The following ESRRG variants were observed in gnomAD, a reference collection of about 807,000 sequenced individuals.
ESRRG encodes estrogen related receptor gamma, also known as estrogen-related receptor gamma.
ESRRG carries 13 observed loss-of-function variants against 44.0 expected under a neutral mutation model. That is an observed-to-expected ratio of 0.30 (90% CI 0.19 to 0.47). ESRRG has a LOEUF of 0.47. Among genes scored for constraint, ESRRG ranks in the 20% least tolerant of loss-of-function variants. The pLI, the probability that ESRRG is intolerant of heterozygous loss-of-function variation, is 1.00. For missense variants in ESRRG, 395 were observed against 580.6 expected, an observed-to-expected ratio of 0.68 and a Z score of 3.29; for synonymous variants, 215 against 214.6, an observed-to-expected ratio of 1.00 and a Z score of -0.02.
intron 3 of ESRRG, among the ~76,000 whole-genome samples, chr1:216,572,314 A>G (rs188286171): frequency 1.8e-4 from 28 of 152,202 alleles, no homozygotes; most frequent in Admixed American, 1.3e-3. Context: ...CCCCAGGACA[A>G]TCAAATAAAA....
chr1:216,691,246 T>C (rs2066332546), intron 1 of ESRRG, among the ~76,000 whole-genome samples: 1 of 152,130 alleles, frequency 6.6e-6, no homozygotes, highest in Non-Finnish European at 1.5e-5. Flanking sequence ...AAGAGGATAG[T>C]CATTTGATTT....
At chr1:217,009,288 C>T (rs1007033134) in intron 1 of ESRRG, among the ~76,000 whole-genome samples, 3 of 152,002 alleles carry the variant, frequency 2.0e-5, no homozygotes, top group African/African-American at 4.8e-5. Flanking sequence ...TTGAAGATTG[C>T]TCTTTAAAAT....
chr1:216,711,725 T>C (rs1166209469), intron 1 of ESRRG, among the ~76,000 whole-genome samples: 1 of 152,182 alleles, frequency 6.6e-6, no homozygotes, highest in South Asian at 2.1e-4. Context: ...AGAAAAAAAG[T>C]TGCTAAAAAT....
intron 1 of ESRRG, among the ~76,000 whole-genome samples, chr1:216,708,280 G>T (rs938199008): frequency 2.0e-5 from 3 of 151,752 alleles, no homozygotes; most frequent in African/African-American, 7.3e-5. Context: ...ATTTAAGCCT[G>T]GAATATAAAA....
chr1:216,826,377 C>T (rs976798203), intron 2 of ESRRG, among the ~76,000 whole-genome samples: 1 of 152,058 alleles, frequency 6.6e-6, no homozygotes, highest in African/African-American at 2.4e-5. Context: ...GCTGGTACAC[C>T]TACTGACCTT....
chr1:216,945,050 T>A (rs994072027), intron 1 of ESRRG, among the ~76,000 whole-genome samples: 3 of 152,166 alleles, frequency 2.0e-5, no homozygotes, highest in African/African-American at 7.2e-5. Flanking sequence ...CTTCATTAGA[T>A]CAGTCAGCTT....
chr1:216,725,705 A>AAAAAG (rs2087380548), upstream of ESRRG, among the ~76,000 whole-genome samples: 1 of 152,126 alleles, frequency 6.6e-6, no homozygotes, highest in African/African-American at 2.4e-5. Flanking sequence ...CACACACACA[A>AAAAAG]AAAAGAAAGA....
chr1:216,880,173 G>C (rs2096420575), intron 2 of ESRRG, among the ~76,000 whole-genome samples: 1 of 151,338 alleles, frequency 6.6e-6, no homozygotes, highest in African/African-American at 2.4e-5. Flanking sequence ...CAGGCATGGT[G>C]GTGGGCGCCT....
chr1:216,959,525 TA>T (rs1171071436), intron 1 of ESRRG: 3,085 of 144,244 alleles, frequency 0.021, 84 homozygotes, highest in African/African-American at 0.065. Flanking sequence ...GACCCTATCT[TA>T]AAAAAAAAAA....
intron 1 of ESRRG, among the ~76,000 whole-genome samples, chr1:217,079,647 C>T (rs938062456): frequency 1.3e-5 from 2 of 152,158 alleles, no homozygotes; most frequent in Non-Finnish European, 2.9e-5. Context: ...CTTCTGTTTC[C>T]TCATCTGTGA....
chr1:216,636,975 C>G (rs2150813385), intron 3 of ESRRG, among the ~76,000 whole-genome samples: 1 of 152,296 alleles, frequency 6.6e-6, no homozygotes. Flanking sequence ...TCTACACTAT[C>G]CCCTCCAGAT....
intron 3 of ESRRG, among the ~76,000 whole-genome samples, chr1:216,632,005 G>A (rs961551068): frequency 6.6e-6 from 1 of 152,048 alleles, no homozygotes; most frequent in Non-Finnish European, 1.5e-5. Context: ...GGTCCCGAAG[G>A]CTTCTAAGAA....
chr1:216,731,042 C>T (rs1035483841), intron 2 of ESRRG, among the ~76,000 whole-genome samples: 16 of 152,172 alleles, frequency 1.1e-4, no homozygotes, highest in African/African-American at 3.6e-4. Context: ...ATATCAGTAC[C>T]TAAAACTGTG....
intron 1 of ESRRG, among the ~76,000 whole-genome samples, chr1:216,961,823 A>G (rs925940706): frequency 4.6e-5 from 7 of 152,180 alleles, no homozygotes; most frequent in African/African-American, 1.4e-4. Flanking sequence ...CGAGAAGGTC[A>G]TTGACACTTC....
chr1:216,767,347 G>A (rs1227952916), intron 2 of ESRRG, among the ~76,000 whole-genome samples: 1 of 152,082 alleles, frequency 6.6e-6, no homozygotes, highest in African/African-American at 2.4e-5. Flanking sequence ...AGGGCATACA[G>A]AAAGAAAGAG....
At chr1:216,852,858 G>A (rs1032974263) in intron 2 of ESRRG, among the ~76,000 whole-genome samples, 17 of 116,018 alleles carry the variant, frequency 1.5e-4, no homozygotes, top group African/African-American at 7.3e-4. Context: ...AGATTTAATT[G>A]TTTGACTGTC....
At chr1:216,914,763 C>T (rs999153696) in intron 2 of ESRRG, among the ~76,000 whole-genome samples, 1 of 152,154 alleles carries the variant, frequency 6.6e-6, no homozygotes. Flanking sequence ...CATGAGGTCA[C>T]CATCTCTCCC....
At position 216,736,176 on chromosome 1, in the gene ESRRG, A is replaced by ATT. The variant is rs34469625; in HGVS notation, c.-13-58687_-13-58686dup. 7.1e-3 allele frequency among the ~76,000 whole-genome samples: 584 copies of ATT among 82,640 alleles called. 13 individuals carry two copies. The highest frequency in any genetic ancestry group is 0.017 in the African/African-American group (338 of 19,834). 54.2% of individuals were successfully genotyped at this position (82,640 alleles called of 152,430 possible). A position where few individuals can be genotyped will look rare whatever the true frequency, so the allele number is the denominator to read the frequency against. ...TGGTGCTTCTAAGGAGTTAAGGACT[A>ATT]TTTTTTTTTTTTTTTTTTTTTTTTG... On this transcript the variant is annotated intron_variant, in intron 2 of 7. Coordinates refer to the ESRRG transcript ENST00000359162.
chr1:216,811,273 A>T (rs1476081403), intron 2 of ESRRG, among the ~76,000 whole-genome samples: 1 of 152,134 alleles, frequency 6.6e-6, no homozygotes, highest in Non-Finnish European at 1.5e-5. Flanking sequence ...CATTATTACC[A>T]TATTTTTTAT....
Sources: gnomAD v4.1 joint callset for allele counts (sites outside exome capture counted in the v4.1 genomes callset) on GRCh38, gnomAD v4.1.1 for gene constraint, MANE v1.5 for transcripts, NCBI Gene and HGNC (gene_info 2026-07-23, HGNC 2026-07-21) for gene names.